Variants in ADRA1B observed in about 807,000 individuals in gnomAD.
The protein encoded by ADRA1B is adrenoceptor alpha 1B, also known as alpha-1B adrenergic receptor.
A neutral mutation model predicts 17.9 loss-of-function variants in ADRA1B; 17 were observed. The ratio of observed to expected loss-of-function variants is 0.95; its 90% CI spans 0.65 to 1.42. The LOEUF (loss-of-function observed/expected upper bound fraction) is 1.42. ADRA1B is among the 40% of genes most tolerant of loss of function. The probability of loss-of-function intolerance (pLI) is 0.00; values close to 1 mark genes in which losing one functional copy is unlikely to be tolerated. For missense variants in ADRA1B, 681 were observed against 722.1 expected (o/e 0.94, Z 0.65); for synonymous variants, 366 against 327.6 (o/e 1.12, Z -1.27).
At chr5:159,947,021 A>G (rs1755291861) in intron 1 of ADRA1B, among the ~76,000 whole-genome samples, 1 of 152,222 alleles carries the variant, frequency 6.6e-6, no homozygotes, top group Non-Finnish European at 1.5e-5. Flanking sequence ...TGAGGATGGC[A>G]TAATTGTTTC....
chr5:159,886,814 A>G (rs1753930652), intron 1 of ADRA1B, among the ~76,000 whole-genome samples: 1 of 152,178 alleles, frequency 6.6e-6, no homozygotes. Flanking sequence ...CAGCTGATGA[A>G]AAAAAAGAGA....
chr5:159,967,928 G>A (rs528309921), intron 1 of ADRA1B, among the ~76,000 whole-genome samples: 24 of 151,946 alleles, frequency 1.6e-4, no homozygotes, highest in South Asian at 8.4e-4. Context: ...TGTGATGAAC[G>A]TGAAGAACAA....
At chr5:159,890,909 T>A (rs532833568) in intron 1 of ADRA1B, among the ~76,000 whole-genome samples, 1 of 152,314 alleles carries the variant, frequency 6.6e-6, no homozygotes, top group South Asian at 2.1e-4. Flanking sequence ...GTGGCTATCT[T>A]GGGGAAATAT....
intron 1 of ADRA1B, among the ~76,000 whole-genome samples, chr5:159,966,047 T>C (rs142065085): frequency 1.4e-3 from 212 of 152,218 alleles, no homozygotes; most frequent in African/African-American, 4.9e-3. Flanking sequence ...AGTGCTGGAT[T>C]ACAGGTGTGA....
intron 1 of ADRA1B, among the ~76,000 whole-genome samples, chr5:159,909,886 A>G (rs1306829149): frequency 1.3e-5 from 2 of 152,232 alleles, no homozygotes; most frequent in Non-Finnish European, 2.9e-5. Flanking sequence ...GGAAGCCCCT[A>G]TAAGGAATTC....
chr5:159,944,207 C>G (rs552371776), intron 1 of ADRA1B, among the ~76,000 whole-genome samples: 33 of 152,176 alleles, frequency 2.2e-4, no homozygotes, highest in Non-Finnish European at 3.5e-4. Context: ...CTCAGGATGC[C>G]CCAGGAACAA....
intron 1 of ADRA1B, among the ~76,000 whole-genome samples, chr5:159,969,205 G>A (rs1022436059): frequency 3.3e-5 from 5 of 152,166 alleles, no homozygotes; most frequent in African/African-American, 1.2e-4. Flanking sequence ...AACCTAAAAA[G>A]AGGTCAGTAC....
At chr5:159,941,762 G>T (rs1247299047) in intron 1 of ADRA1B, among the ~76,000 whole-genome samples, 2 of 152,000 alleles carry the variant, frequency 1.3e-5, no homozygotes, top group Admixed American at 6.5e-5. Flanking sequence ...ATACGCTAAG[G>T]GAAAGAAGCC....
chr5:159,952,916 G>A (rs1040891071), intron 1 of ADRA1B, among the ~76,000 whole-genome samples: 26 of 152,174 alleles, frequency 1.7e-4, no homozygotes, highest in African/African-American at 6.3e-4. Context: ...CCTCTCAAGA[G>A]CTGAATAACC....
chr5:159,951,356 C>T, intron 1 of ADRA1B: 1 of 1,087,712 alleles, frequency 9.2e-7, no homozygotes, highest in Non-Finnish European at 1.4e-6. Flanking sequence ...TGGAATCATA[C>T]TCGAACATGT....
At chr5:159,904,175 C>T (rs1400508107) in intron 1 of ADRA1B, among the ~76,000 whole-genome samples, 1 of 152,154 alleles carries the variant, frequency 6.6e-6, no homozygotes, top group Non-Finnish European at 1.5e-5. Context: ...ATGAAAATAG[C>T]ATACAGTTAT....
intron 1 of ADRA1B, among the ~76,000 whole-genome samples, chr5:159,967,680 A>G (rs1167309053): frequency 2.0e-5 from 3 of 152,142 alleles, no homozygotes; most frequent in Non-Finnish European, 4.4e-5. Flanking sequence ...CAGCCACTTG[A>G]CCACACTGCC....
At chr5:159,974,634 CAAAAAA>C (rs1196958378), downstream of ADRA1B, among the ~76,000 whole-genome samples, 15 of 106,500 alleles carry the variant, frequency 1.4e-4, no homozygotes, top group African/African-American at 5.2e-4. Context: ...AAGACTCCAT[CAAAAAA>C]AAAAAAAAAA....
chr5:159,917,490 C>A lies in ADRA1B; in HGVS notation c.585C>A (p.Cys195Ter). Residue 195 changes from cysteine to a stop codon, truncating the protein, a stop_gained, in exon 1 of 2, where the codon TGC becomes TGA. Transcript: ENST00000306675. LOFTEE classifies it high-confidence loss of function. Reference protein sequence around the residue: ...KEPAPNDDKECGVTEEPFYAL... With the variant: ...KEPAPNDDKE ...CGGCACCCAACGATGACAAGGAGTG[C>A]GGGGTCACCGAAGAACCCTTCTATG... The A allele has an allele frequency of 6.2e-7, 1 of 1,614,004 alleles. No homozygotes were observed. The highest frequency in any genetic ancestry group is 8.5e-7 in the Non-Finnish European group (1 of 1,179,928).
At chr5:159,866,819 C>T (rs1471441625) in intron 1 of ADRA1B, 3 of 152,062 alleles carry the variant, frequency 2.0e-5, no homozygotes, top group Non-Finnish European at 2.9e-5. Context: ...CACTCTACAG[C>T]ATTTTATAAA....
At chr5:159,920,117 G>A (rs1561592233) in intron 1 of ADRA1B, among the ~76,000 whole-genome samples, 1 of 152,190 alleles carries the variant, frequency 6.6e-6, no homozygotes, top group Non-Finnish European at 1.5e-5. Flanking sequence ...AAGTCAGAAG[G>A]ATACCAGGAA....
chr5:159,937,971 C>T (rs1293571595), intron 1 of ADRA1B, among the ~76,000 whole-genome samples: 1 of 152,268 alleles, frequency 6.6e-6, no homozygotes, highest in Admixed American at 6.5e-5. Context: ...CCACTGGAGG[C>T]CAAAGCTTCC....
At chr5:159,890,835 C>T (rs540824692) in intron 1 of ADRA1B, among the ~76,000 whole-genome samples, 1 of 152,312 alleles carries the variant, frequency 6.6e-6, no homozygotes, top group South Asian at 2.1e-4. Flanking sequence ...TCCATCGCCA[C>T]CCTAAAGGTG....
chr5:159,920,008 T>C (rs1374011786), intron 1 of ADRA1B, among the ~76,000 whole-genome samples: 2 of 152,138 alleles, frequency 1.3e-5, no homozygotes, highest in African/African-American at 4.8e-5. Context: ...TTGAATTAGA[T>C]TAAGGGATCT....
Sources: gnomAD v4.1 joint callset for allele counts (sites outside exome capture counted in the v4.1 genomes callset) on GRCh38, gnomAD v4.1.1 for gene constraint, MANE v1.5 for transcripts, NCBI Gene and HGNC (gene_info 2026-07-23, HGNC 2026-07-21) for gene names.